Variants in ZNF148 observed in about 807,000 individuals in gnomAD.
ZNF148 encodes Beta-Enolase Repressor Factor-1.
Under a neutral mutation model 67.7 loss-of-function variants are expected in ZNF148, and 7 were observed. The observed-to-expected ratio is 0.10, with a 90% CI of 0.06 to 0.19. ZNF148 has a LOEUF of 0.19. ZNF148 is among the 10% of genes least tolerant of loss of function. The pLI is 1.00. For missense variants in ZNF148, 583 were observed against 947.1 expected, an observed-to-expected ratio of 0.62 and a Z score of 5.05; for synonymous variants, 333 against 330.7, an observed-to-expected ratio of 1.01 and a Z score of -0.08.
Position 125,279,899 on chromosome 3 carries a change from C to G in ZNF148, c.460-652G>C, listed in dbSNP as rs930338637. Among the ~76,000 whole-genome samples the G allele has an allele frequency of 3.9e-5, 6 of 151,942 alleles. No homozygotes were observed. In the South Asian group the frequency reaches 1.2e-3, roughly 31 times the overall value. ...AAGTATATAACCTTGATTGTGATGG[C>G]TGGGGAACTGGGCAGACAAGAGATA... is the stretch of plus-strand genomic sequence containing the variant. On this transcript the variant is annotated intron_variant, in intron 5 of 8. Transcript: ENST00000360647.
intron 1 of ZNF148, among the ~76,000 whole-genome samples, chr3:125,370,581 C>T (rs932425655): frequency 3.3e-5 from 5 of 152,188 alleles, no homozygotes; most frequent in African/African-American, 4.8e-5. Flanking sequence ...CATGTGAATA[C>T]TGTTACTACT....
chr3:125,344,959 A>C (rs562182840), intron 1 of ZNF148, among the ~76,000 whole-genome samples: 13 of 152,314 alleles, frequency 8.5e-5, no homozygotes, highest in African/African-American at 2.9e-4. Flanking sequence ...GCTTGCAAGA[A>C]ATTTAAATTC....
chr3:125,234,283 T>C lies in ZNF148; in HGVS notation c.714A>G (p.Gln238=), dbSNP rs368172765. 1.6e-5 allele frequency: 26 copies of C among 1,611,602 alleles called. No homozygotes were observed. The highest frequency in any genetic ancestry group is 2.1e-5 in the Non-Finnish European group (25 of 1,178,658). The stretch of plus-strand genomic sequence containing the variant: ...TCTTATGCCTTTCCATATGATATTT[T>C]TGTATGAATCTCATACCACATTCAT... ...RCDECGMRFI[Q]KYHMERHKRT... is the part of the protein sequence containing the mutation. Residue 238 remains glutamine, a synonymous_variant, in exon 8 of 9, where the codon CAA becomes CAG. Coordinates refer to ENST00000360647, the MANE Select transcript of ZNF148 (RefSeq NM_021964.3).
At chr3:125,298,963 T>A (rs1408526507) in intron 4 of ZNF148, among the ~76,000 whole-genome samples, 1 of 152,180 alleles carries the variant, frequency 6.6e-6, no homozygotes, top group Non-Finnish European at 1.5e-5. Context: ...GTATTAGACA[T>A]AAATGCATGC....
At chr3:125,318,038 T>C (rs7635104) in intron 3 of ZNF148, among the ~76,000 whole-genome samples, 117,038 of 151,820 alleles carry the variant, frequency 0.77, 45,658 homozygotes, top group African/African-American at 0.85. Flanking sequence ...GGGAATAGGA[T>C]AAAGCTACAC....
chr3:125,236,684 CA>C (rs1936106881), intron 7 of ZNF148, among the ~76,000 whole-genome samples: 2 of 152,144 alleles, frequency 1.3e-5, no homozygotes, highest in African/African-American at 4.8e-5. Context: ...GCAGAGCTAC[CA>C]AATTTTAGAG....
In ZNF148 at chr3:125,229,679, A is replaced by C. The variant is rs1240356250; in HGVS notation, c.*2662T>G. The C allele has an allele frequency of 1.3e-5, 2 of 152,164 alleles. No homozygotes were observed. The highest frequency in any genetic ancestry group is 2.9e-5 in the Non-Finnish European group (2 of 68,014). 9.4% of individuals were successfully genotyped at this position (152,164 alleles called of 1,614,324 possible). On this transcript the variant is annotated 3_prime_UTR_variant, in exon 9 of 9. Transcript: ENST00000360647. ...CATGTTTTTATAGAACAATGTGCTCACTTTGAGAAATGAGAAACATGAATT... is the reference window on the plus strand; with the variant it reads ...CATGTTTTTATAGAACAATGTGCTCCCTTTGAGAAATGAGAAACATGAATT...
chr3:125,258,080 A>G (rs1340509081), intron 7 of ZNF148, among the ~76,000 whole-genome samples: 1 of 151,730 alleles, frequency 6.6e-6, no homozygotes, highest in Non-Finnish European at 1.5e-5. Context: ...TACTGAGATC[A>G]TACTGTTAAT....
intron 1 of ZNF148, among the ~76,000 whole-genome samples, chr3:125,347,382 G>A (rs4303833): frequency 0.76 from 115,037 of 152,108 alleles, 44,032 homozygotes; most frequent in African/African-American, 0.85. Flanking sequence ...AATCCAAAAC[G>A]ATCTTGAAAG....
In ZNF148 at chr3:125,288,364, ACT is replaced by A. The variant is rs1938818991; in HGVS notation, c.334-138_334-137del. On this transcript the variant is annotated intron_variant, in intron 4 of 8. Coordinates refer to ENST00000360647, the MANE Select transcript of ZNF148 (RefSeq NM_021964.3). Reference sequence around the variant, plus strand: ...TGATGATCTATGTGTGTGTGTCCTAACTATATACAGTGCTATAGAATTCATTA... The same window carrying A: ...TGATGATCTATGTGTGTGTGTCCTAAATATACAGTGCTATAGAATTCATTA... 11 of 866,920 alleles carry A rather than the reference ACT, an allele frequency of 1.3e-5. 1 individual carries two copies. Among genetic ancestry groups the A allele is most frequent in the South Asian group, 7.4e-5 (4 of 54,368 alleles). The allele number at this position is 866,920 out of a possible 1,614,324, so 53.7% of individuals were successfully genotyped here. A position where few individuals can be genotyped will look rare whatever the true frequency, so the allele number is the denominator to read the frequency against.
At chr3:125,249,768 A>C (rs1440646378) in intron 7 of ZNF148, among the ~76,000 whole-genome samples, 1 of 152,200 alleles carries the variant, frequency 6.6e-6, no homozygotes, top group Non-Finnish European at 1.5e-5. Flanking sequence ...TATAGAAACA[A>C]CCCAAGCGTC....
Position 125,306,700 on chromosome 3 carries a change from A to T in ZNF148, c.333+6608T>A, listed in dbSNP as rs1030314730. Among the ~76,000 whole-genome samples the T allele has an allele frequency of 1.1e-4, 16 of 152,118 alleles. No individual in the cohort carries two copies. The East Asian group carries it at 1.4e-3, about 13-fold the overall frequency. ...GTGAGACCCTGTCTCTACAAAAAAA[A>T]TTTTTTCTAATTAGCCTGATGTGAT... On this transcript the variant is annotated intron_variant, in intron 4 of 8. Coordinates refer to ENST00000360647, the MANE Select transcript of ZNF148 (RefSeq NM_021964.3).
rs1467792868 is a variant in ZNF148, at chr3:125,232,608, C to A, written c.2118G>T (p.Leu706=). The part of the protein sequence containing the change: ...HASATSTQDF[L]DQVTSQKKAE... The stretch of plus-strand genomic sequence containing the variant: ...CTTTCTTCTGAGAAGTCACTTGATC[C>A]AGAAAGTCCTGTGTTGATGTGGCAG... Residue 706 remains leucine (L), a synonymous_variant, in exon 9 of 9, where the codon CTG becomes CTT. Coordinates refer to ENST00000360647, the MANE Select transcript of ZNF148 (RefSeq NM_021964.3). This position sits in a 1 kb window ranked among gnomAD's most constrained non-coding sequence, Gnocchi z 4.2. The A allele has an allele frequency of 6.2e-7, 1 of 1,613,752 alleles. No homozygotes were observed. The highest frequency in any genetic ancestry group is 2.2e-5 in the East Asian group (1 of 44,878).
chr3:125,294,164 C>T (rs1939167195), intron 4 of ZNF148, among the ~76,000 whole-genome samples: 1 of 152,056 alleles, frequency 6.6e-6, no homozygotes, highest in Non-Finnish European at 1.5e-5. Context: ...AAACAGTCTA[C>T]AACACAACTG....
At chr3:125,234,370 G>A in intron 7 of ZNF148, 41 bp from the exon 8 acceptor site, 1 of 1,327,868 alleles carries the variant, frequency 7.5e-7, no homozygotes, top group Non-Finnish European at 1.1e-6. Context: ...AACAAATATT[G>A]TAAAATAATG....
At position 125,232,925 on chromosome 3, in the gene ZNF148, T is replaced by G. The variant is rs755651369; in HGVS notation, c.1801A>C (p.Met601Leu). The change falls in exon 9 of 9, where the codon ATG becomes CTG. Residue 601 changes from methionine (M) to leucine (L), a missense_variant. Transcript: ENST00000360647. This position sits in a 1 kb window ranked among gnomAD's most constrained non-coding sequence, Gnocchi z 4.2. ...AGAAACTTGGAGTATTCCTGCAACA[T>G]GTTGGCTTTATCTGATGAGGATGCT... ...SQASSSDKAN[M>L]LQEYSKFLQQ... The G allele has an allele frequency of 2.5e-6, 4 of 1,613,884 alleles. No individual in the cohort carries two copies. In the South Asian group the frequency reaches 3.3e-5, roughly 13 times the overall value.
intron 1 of ZNF148, among the ~76,000 whole-genome samples, chr3:125,332,018 A>G (rs1327293503): frequency 6.6e-6 from 1 of 152,244 alleles, no homozygotes; most frequent in East Asian, 1.9e-4. Flanking sequence ...ATACAAGTTT[A>G]GGGATCCATA....
chr3:125,288,363 A>G lies in ZNF148; in HGVS notation c.334-135T>C, dbSNP rs112311376. On this transcript the variant is annotated intron_variant, in intron 4 of 8. Coordinates refer to ENST00000360647, the MANE Select transcript of ZNF148 (RefSeq NM_021964.3). ...ATGATGATCTATGTGTGTGTGTCCT[A>G]ACTATATACAGTGCTATAGAATTCA... 102 of 866,794 alleles carry G rather than the reference A, an allele frequency of 1.2e-4. No homozygotes were observed. In the Middle Eastern group the frequency reaches 1.4e-3, roughly 12 times the overall value. 53.7% of individuals were successfully genotyped at this position (866,794 alleles called of 1,614,324 possible).
In ZNF148 at chr3:125,320,255, T is replaced by C. The variant is rs1053304493; in HGVS notation, c.-17+3054A>G. Among the ~76,000 whole-genome samples, 10 of 152,142 alleles carry C rather than the reference T, an allele frequency of 6.6e-5. No homozygotes were observed. The South Asian group carries it at 1.2e-3, about 19-fold the overall frequency. ...GAAAATTTAAAAATAATCCTAAATA[T>C]GGCTAATAAATGTAAAACCAGTCAG... On this transcript the variant is annotated intron_variant, in intron 3 of 8. Coordinates refer to ENST00000360647, the MANE Select transcript of ZNF148 (RefSeq NM_021964.3).
Sources: gnomAD v4.1 joint callset for allele counts (sites outside exome capture counted in the v4.1 genomes callset) on GRCh38, gnomAD v4.1.1 for gene constraint, Gnocchi (gnomAD v3.1) non-coding constraint, MANE v1.5 for transcripts, NCBI Gene and HGNC (gene_info 2026-07-23, HGNC 2026-07-21) for gene names.